Variants in CFAP47 observed in about 807,000 individuals in gnomAD.
The protein encoded by CFAP47 is cilia- and flagella-associated protein 47.
Under a neutral mutation model 148.1 loss-of-function variants are expected in CFAP47, and 29 were observed. The ratio of observed to expected loss-of-function variants is 0.20; its 90% CI spans 0.15 to 0.27. The LOEUF (loss-of-function observed/expected upper bound fraction) is 0.27, where lower values mean the gene tolerates loss of function less well. Ranked by LOEUF, CFAP47 falls within the 10% of genes least tolerant of loss-of-function variation. CFAP47 has a pLI of 1.00. For missense variants in CFAP47, 1,872 were observed against 1,697.5 expected, an observed-to-expected ratio of 1.10 and a Z score of -1.81; for synonymous variants, 664 against 577.3, an observed-to-expected ratio of 1.15 and a Z score of -2.15.
chrX:35,953,493 G>T (rs1936197622), intron 6 of CFAP47, 99 bp from the exon 7 acceptor site: 1 of 610,837 alleles, frequency 1.6e-6, no homozygotes. Flanking sequence ...ACATTCATTT[G>T]CTTGCATAGA....
At chrX:36,244,080 G>C in intron 48 of CFAP47, among the ~76,000 whole-genome samples, 1 of 111,155 alleles carries the variant, frequency 9.0e-6, no homozygotes, top group East Asian at 2.8e-4. Flanking sequence ...ATATCAAGAA[G>C]ATTTCTCAAA....
chrX:35,920,005 G>A lies in CFAP47; in HGVS notation c.206G>A (p.Arg69His), dbSNP rs1340321021. The A allele has an allele frequency of 8.3e-6, 10 of 1,197,852 alleles. No individual in the cohort carries two copies. In the East Asian group the frequency reaches 1.2e-4, roughly 14 times the overall value. The change falls in exon 1 of 64, where the codon CGC becomes CAC. Residue 69 changes from arginine to histidine, a missense_variant. Physicochemically the swap from Arg to His is conservative, Grantham distance 29. Transcript: ENST00000378653. ...RLPITVHNICRWNQKIRFKEP... is the reference protein window; with the variant it reads ...RLPITVHNICHWNQKIRFKEP... ...CCGATTACTGTGCATAATATTTGCC[G>A]CTGGAACCAGAAAATCCGATTTAAG... is the stretch of plus-strand genomic sequence containing the variant.
intron 48 of CFAP47, among the ~76,000 whole-genome samples, chrX:36,242,481 A>G (rs1450981723): frequency 8.9e-6 from 1 of 112,191 alleles, no homozygotes; most frequent in Non-Finnish European, 1.9e-5. Context: ...TTTAAGAAAA[A>G]AACCAAACTG....
At chrX:35,983,737 T>C (rs1936677285) in intron 15 of CFAP47, among the ~76,000 whole-genome samples, 2 of 111,856 alleles carry the variant, frequency 1.8e-5, no homozygotes, top group Non-Finnish European at 1.9e-5. Flanking sequence ...TTTATATTGT[T>C]AGTTATATTT....
chrX:36,345,042 A>G (rs1268981500), intron 57 of CFAP47, among the ~76,000 whole-genome samples: 1 of 112,075 alleles, frequency 8.9e-6, no homozygotes, highest in Non-Finnish European at 1.9e-5. Context: ...TAAAAATATT[A>G]GTCAAAAGCA....
Position 36,334,357 on chromosome X carries a change from A to T in CFAP47, c.8444-13772A>T, listed in dbSNP as rs144663457. ...GTTACCCTTTTCTTTAGGTCTGTATATAATTGTCCACTGATTCCATCTGTG... is the reference window on the plus strand; with the variant it reads ...GTTACCCTTTTCTTTAGGTCTGTATTTAATTGTCCACTGATTCCATCTGTG... On this transcript the variant is annotated intron_variant, in intron 57 of 63. Coordinates refer to ENST00000378653, the MANE Select transcript of CFAP47 (RefSeq NM_001304548.2). 6.4e-3 allele frequency among the ~76,000 whole-genome samples: 718 copies of T among 111,779 alleles called. 9 individuals carry two copies. Among genetic ancestry groups the T allele is most frequent in the African/African-American group, 0.022 (664 of 30,805 alleles).
chrX:36,048,881 T>A (rs1340313487), intron 26 of CFAP47, among the ~76,000 whole-genome samples: 1 of 111,712 alleles, frequency 9.0e-6, no homozygotes, highest in Non-Finnish European at 1.9e-5. Context: ...AAGCAACCCA[T>A]ATTTTAATGG....
chrX:36,063,119 T>A (rs1254377577), intron 26 of CFAP47, among the ~76,000 whole-genome samples: 2 of 111,912 alleles, frequency 1.8e-5, no homozygotes, highest in African/African-American at 6.5e-5. Flanking sequence ...ATTTAAATCT[T>A]ATAATGGAAT....
At chrX:36,384,719 A>G (rs1243798998) in intron 63 of CFAP47, 78 bp from the exon 64 acceptor site, 1 of 699,860 alleles carries the variant, frequency 1.4e-6, no homozygotes, top group African/African-American at 2.1e-5. Context: ...AGAAGATGTT[A>G]ATTATAGTGA....
At chrX:36,050,114 T>C (rs1937512834) in intron 26 of CFAP47, among the ~76,000 whole-genome samples, 1 of 111,459 alleles carries the variant, frequency 9.0e-6, no homozygotes, top group Admixed American at 9.6e-5. Context: ...TTGCCCCATG[T>C]TGGTATTTCT....
intron 33 of CFAP47, among the ~76,000 whole-genome samples, chrX:36,112,462 AG>A (rs1482573498): frequency 9.0e-6 from 1 of 111,660 alleles, no homozygotes; most frequent in African/African-American, 3.3e-5. Context: ...CTGTGGTCCA[AG>A]AAGTGGTTGT....
chrX:35,950,982 A>G, intron 4 of CFAP47, 149 bp from the exon 5 acceptor site: 2 of 447,262 alleles, frequency 4.5e-6, no homozygotes, highest in Non-Finnish European at 7.8e-6. Flanking sequence ...TCTGGTATGT[A>G]CGTGAAAGGA....
intron 22 of CFAP47, among the ~76,000 whole-genome samples, chrX:36,018,457 A>G (rs1937121646): frequency 8.9e-6 from 1 of 112,048 alleles, no homozygotes; most frequent in Admixed American, 9.5e-5. Context: ...GAAGGCTTTC[A>G]GTTTGATACT....
At chrX:36,247,642 A>G (rs1235841417) in intron 48 of CFAP47, among the ~76,000 whole-genome samples, 2 of 111,010 alleles carry the variant, frequency 1.8e-5, no homozygotes, top group Non-Finnish European at 3.8e-5. Context: ...TATAAAACCC[A>G]AGACATCTTA....
chrX:36,139,040 G>A (rs1045579060), intron 35 of CFAP47, among the ~76,000 whole-genome samples: 1 of 111,419 alleles, frequency 9.0e-6, no homozygotes, highest in Non-Finnish European at 1.9e-5. Flanking sequence ...TAAAATAAAT[G>A]ATTCCTGACT....
chrX:35,926,165 T>C lies in CFAP47; in HGVS notation c.398T>C (p.Ile133Thr). The change falls in exon 2 of 64, where the codon ATT becomes ACT. Residue 133 changes from isoleucine (I) to threonine (T), a missense_variant. By Grantham distance (89) the Ile-to-Thr change is moderately conservative (BLOSUM62 -1). Transcript: ENST00000378653. ...AATAAAACAACAGAAATTCCTCTAA[T>C]TGGGTATGTAATCTTCATAGTTCAT... Reference protein sequence around the residue: ...IENKTTEIPLIGLIPSCQLEI... With the variant: ...IENKTTEIPLTGLIPSCQLEI... 1 of 1,192,042 alleles carries C rather than the reference T, an allele frequency of 8.4e-7. No homozygotes were observed. Among genetic ancestry groups the C allele is most frequent in the Non-Finnish European group, 1.1e-6 (1 of 879,135 alleles).
chrX:36,294,840 T>G (rs2146953448), intron 51 of CFAP47, among the ~76,000 whole-genome samples: 2 of 112,465 alleles, frequency 1.8e-5, no homozygotes, highest in South Asian at 7.3e-4. Context: ...CTGAAAAGCT[T>G]TATAATTTGC....
intron 48 of CFAP47, among the ~76,000 whole-genome samples, chrX:36,241,670 C>A (rs1484479545): frequency 2.7e-5 from 3 of 111,710 alleles, no homozygotes; most frequent in East Asian, 5.7e-4. Flanking sequence ...GAGCCAATAT[C>A]TTTGGCCAGC....
chrX:36,061,190 G>C (rs1345158079), intron 26 of CFAP47, among the ~76,000 whole-genome samples: 1 of 110,942 alleles, frequency 9.0e-6, no homozygotes, highest in African/African-American at 3.3e-5. Context: ...GTGTAAGACA[G>C]GCCTGCTTCC....
Sources: allele counts gnomAD v4.1 joint callset (sites outside exome capture counted in the v4.1 genomes callset), GRCh38; gene constraint gnomAD v4.1.1; transcripts MANE v1.5; gene names NCBI Gene and HGNC (gene_info 2026-07-23, HGNC 2026-07-21).